Variants in FUCA1 observed in about 807,000 individuals in gnomAD.
FUCA1 encodes the protein tissue alpha-L-fucosidase.
FUCA1 carries 52 observed loss-of-function variants against 56.8 expected under a neutral mutation model. The ratio of observed to expected loss-of-function variants is 0.92; its 90% CI spans 0.73 to 1.15. FUCA1 has a LOEUF of 1.15. FUCA1 is among the 50% of genes most tolerant of loss of function. The pLI is 0.00. For synonymous variants in FUCA1, 230 were observed against 226.6 expected (o/e 1.02, Z -0.14); for missense variants, 568 against 592.6 (o/e 0.96, Z 0.43).
intron 5 of FUCA1, among the ~76,000 whole-genome samples, chr1:23,853,168 A>AC (rs1639306166): frequency 6.9e-6 from 1 of 145,102 alleles, no homozygotes. Flanking sequence ...CCCGGCCGCG[A>AC]CCCCGTCTGG....
chr1:23,858,126 G>A (rs1221332409), intron 4 of FUCA1, among the ~76,000 whole-genome samples: 9 of 151,612 alleles, frequency 5.9e-5, no homozygotes, highest in African/African-American at 1.9e-4. Context: ...GTGCAGTGGC[G>A]CGATCTCGGC....
chr1:23,866,649 A>G (rs979896921), intron 1 of FUCA1, among the ~76,000 whole-genome samples: 1 of 152,196 alleles, frequency 6.6e-6, no homozygotes, highest in Non-Finnish European at 1.5e-5. Context: ...TGTAAAAACC[A>G]TTCTCACCTC....
chr1:23,847,566 G>A (rs1311640110), intron 6 of FUCA1, among the ~76,000 whole-genome samples: 1 of 152,144 alleles, frequency 6.6e-6, no homozygotes, highest in African/African-American at 2.4e-5. Context: ...TGATGGGACT[G>A]ATGGCTTTAT....
chr1:23,845,472 C>G lies in FUCA1; in HGVS notation c.*243G>C. 1 of 558,822 alleles carries G rather than the reference C, an allele frequency of 1.8e-6. No homozygotes were observed. The highest frequency in any genetic ancestry group is 3.2e-6 in the Non-Finnish European group (1 of 312,358). The allele number at this position is 558,822 out of a possible 1,614,324, so 34.6% of individuals were successfully genotyped here. On this transcript the variant is annotated 3_prime_UTR_variant, in exon 8 of 8. Transcript: ENST00000374479. ...TTCCAAATATTACAATTGATGAACT[C>G]AGAGTTCAACTGCTCAGTTCCTTCT...
In FUCA1 at chr1:23,867,179, A is replaced by G. The variant is rs1639641526; in HGVS notation, c.389+719T>C. Among the ~76,000 whole-genome samples, 2 of 152,188 alleles carry G rather than the reference A, an allele frequency of 1.3e-5. No homozygotes were observed. The highest frequency in any genetic ancestry group is 1.3e-4 in the Admixed American group (2 of 15,278). ...ACTCCCTGACTTAACATCTGTCAAT[A>G]CAGGGCTCTCAAGGCTCACTCCTTC... On this transcript the variant is annotated intron_variant, in intron 1 of 7. Transcript: ENST00000374479. This position sits in a 1 kb window ranked among gnomAD's most constrained non-coding sequence, Gnocchi z 4.9.
At position 23,864,706 on chromosome 1, in the gene FUCA1, CTTTTTTTT is replaced by C. The variant is rs563678936; in HGVS notation, c.524+777_524+784del. Among the ~76,000 whole-genome samples, 4 of 138,542 alleles carry C rather than the reference CTTTTTTTT, an allele frequency of 2.9e-5. No individual in the cohort carries two copies. In the Admixed American group the frequency reaches 2.9e-4, roughly 10 times the overall value. The allele number at this position is 138,542 out of a possible 152,430, so 90.9% of individuals were successfully genotyped here. A position where few individuals can be genotyped will look rare whatever the true frequency, so the allele number is the denominator to read the frequency against. ...TCAGCAAACTCTTTTTGTCTTTTTT[CTTTTTTTT>C]TTTTTTTTGAGACGGAGTCTCGCTC... On this transcript the variant is annotated intron_variant, in intron 2 of 7. Coordinates refer to ENST00000374479, the MANE Select transcript of FUCA1 (RefSeq NM_000147.5).
At chr1:23,851,563 C>T (rs972338085) in intron 5 of FUCA1, among the ~76,000 whole-genome samples, 1 of 152,116 alleles carries the variant, frequency 6.6e-6, no homozygotes, top group Admixed American at 6.6e-5. Context: ...AGAGTACTTC[C>T]ATCACTCTTA....
intron 5 of FUCA1, among the ~76,000 whole-genome samples, chr1:23,849,622 T>A (rs1639216038): frequency 7.2e-6 from 1 of 138,972 alleles, no homozygotes; most frequent in African/African-American, 2.7e-5. Context: ...TTGCTCTGTC[T>A]CCCAGGCTGG....
In FUCA1 at chr1:23,848,704, T is replaced by C. The variant is rs758691819; in HGVS notation, c.1105A>G (p.Ile369Val). Residue 369 changes from isoleucine (I) to valine (V), a missense_variant, in exon 6 of 8, where the codon ATC (isoleucine) becomes GTC (valine). Ile to Val is a conservative substitution (Grantham distance 29, BLOSUM62 3). Coordinates refer to ENST00000374479, the MANE Select transcript of FUCA1 (RefSeq NM_000147.5). ...ACCCGCCATGGTTTGGAGGCATAGA[T>C]AGCCTCCCCATTGATGCTCAGCCAT... ...GKWLSINGEA[I>V]YASKPWRVQW... 6.2e-7 allele frequency: 1 copy of C among 1,614,090 alleles called. No individual in the cohort carries two copies. The highest frequency in any genetic ancestry group is 1.1e-5 in the South Asian group (1 of 91,076).
chr1:23,845,812 T>A lies in FUCA1; in HGVS notation c.1304A>T (p.Asp435Val), dbSNP rs748293249. ...GIQGDLKWST[D>V]PDKGLFISLP... ...AGAGATGAAGAGACCTTTATCTGGA[T>A]CTGTGGACCACTTCAGATCTCCTTG... The change falls in exon 8 of 8, where the codon GAT becomes GTT. Residue 435 changes from aspartate to valine, a missense_variant. Asp to Val is a radical substitution (Grantham distance 152). Coordinates refer to ENST00000374479, the MANE Select transcript of FUCA1 (RefSeq NM_000147.5). 2.5e-6 allele frequency: 4 copies of A among 1,614,046 alleles called. No homozygotes were observed. In the African/African-American group the frequency reaches 4.0e-5, roughly 16 times the overall value.
Position 23,867,993 on chromosome 1 carries a change from C to G in FUCA1, c.294G>C (p.Pro98=), listed in dbSNP as rs773469453. The G allele has an allele frequency of 6.2e-6, 10 of 1,603,550 alleles. No individual in the cohort carries two copies. The East Asian group carries it at 2.2e-4, about 36-fold the overall frequency. The change falls in exon 1 of 8, where the codon CCG becomes CCC. Residue 98 remains proline (P), a synonymous_variant. Transcript: ENST00000374479. This position sits in a 1 kb window ranked among gnomAD's most constrained non-coding sequence, Gnocchi z 4.9. ...CGAAGTCGGCGTAGCTGAAGCCGGG[C>G]GGGTAGTTGTCGCGCATGAAGCGCT... ...QYQRFMRDNY[P]PGFSYADFGP... is the part of the protein sequence containing the mutation.
chr1:23,852,481 C>T (rs538534965), intron 5 of FUCA1, among the ~76,000 whole-genome samples: 25 of 150,910 alleles, frequency 1.7e-4, no homozygotes, highest in African/African-American at 5.4e-4. Flanking sequence ...CCTCTCCCCA[C>T]GGTCTCCCTC....
At chr1:23,865,799 G>A (rs1333988550) in intron 1 of FUCA1, among the ~76,000 whole-genome samples, 174 bp from the exon 2 acceptor site, 1 of 152,144 alleles carries the variant, frequency 6.6e-6, no homozygotes, top group Non-Finnish European at 1.5e-5. Flanking sequence ...AATTCCCCTT[G>A]GGCATTGCTC....
At chr1:23,853,890 C>A (rs1354972685) in intron 5 of FUCA1, among the ~76,000 whole-genome samples, 5 of 149,964 alleles carry the variant, frequency 3.3e-5, no homozygotes, top group African/African-American at 1.0e-4. Flanking sequence ...GTCATCACCA[C>A]TCCCTAATCT....
At chr1:23,865,901 G>T (rs1464975429) in intron 1 of FUCA1, among the ~76,000 whole-genome samples, 1 of 152,222 alleles carries the variant, frequency 6.6e-6, no homozygotes, top group Non-Finnish European at 1.5e-5. Context: ...TAAGGGAAAA[G>T]AAGTGCACCT....
chr1:23,863,082 G>A (rs1639541768), intron 3 of FUCA1, 52 bp downstream of exon 3: 1 of 1,587,682 alleles, frequency 6.3e-7, no homozygotes, highest in East Asian at 2.2e-5. Context: ...CCTATAGGAA[G>A]CTCTGATTTC....
chr1:23,866,553 G>C (rs969018470), intron 1 of FUCA1, among the ~76,000 whole-genome samples: 1 of 152,228 alleles, frequency 6.6e-6, no homozygotes, highest in Non-Finnish European at 1.5e-5. Context: ...AGGATTTGAA[G>C]GGCCAGATAG....
intron 4 of FUCA1, among the ~76,000 whole-genome samples, chr1:23,859,211 T>G (rs910706129): frequency 6.6e-6 from 1 of 152,202 alleles, no homozygotes; most frequent in Admixed American, 6.5e-5. Context: ...GAATTGTAAT[T>G]ACTATTTTTA....
rs1013512148 is a variant in FUCA1, at chr1:23,848,811, C to T, written c.998G>A (p.Gly333Asp). 3.2e-5 allele frequency: 52 copies of T among 1,614,110 alleles called. No individual in the cohort carries two copies. Among genetic ancestry groups the T allele is most frequent in the Non-Finnish European group, 4.4e-5 (52 of 1,180,012 alleles). Residue 333 changes from glycine (G) to aspartate (D), a missense_variant, in exon 6 of 8, where the codon GGC becomes GAC. Coordinates refer to ENST00000374479, the MANE Select transcript of FUCA1 (RefSeq NM_000147.5). ...SELVQTVSLG[G>D]NYLLNIGPTK... ...TGGTCCAATGTTCAGAAGATAGTTG[C>T]CTCCCAAACTTACTGTCTGAACCAG...
Sources: gnomAD v4.1 joint callset for allele counts (sites outside exome capture counted in the v4.1 genomes callset) on GRCh38, gnomAD v4.1.1 for gene constraint, Gnocchi (gnomAD v3.1) non-coding constraint, MANE v1.5 for transcripts, NCBI Gene and HGNC (gene_info 2026-07-23, HGNC 2026-07-21) for gene names.